ESYT2: variants seen among roughly 807,000 people sequenced by gnomAD.
ESYT2 encodes the protein extended synaptotagmin 2, also known as extended synaptotagmin-2.
In ESYT2, 54 loss-of-function variants were observed where a neutral mutation model predicts 107.2. The observed-to-expected ratio is 0.50, with a 90% CI of 0.40 to 0.63. The LOEUF is 0.63. ESYT2 is among the 30% of genes least tolerant of loss of function. The pLI is 0.00. For missense variants in ESYT2, 1,020 were observed against 1,094.5 expected, an observed-to-expected ratio of 0.93 and a Z score of 0.96; for synonymous variants, 491 against 434.1, an observed-to-expected ratio of 1.13 and a Z score of -1.63.
rs962265400 is a variant in ESYT2 at position 158,732,850 on chromosome 7, C to G, written c.*1357G>C. The G allele has an allele frequency of 5.9e-5, 9 of 152,336 alleles. No individual in the cohort carries two copies. The highest frequency in any genetic ancestry group is 3.9e-4 in the Admixed American group (6 of 15,280). 9.4% of individuals were successfully genotyped at this position (152,336 alleles called of 1,614,324 possible). On this transcript the variant is annotated 3_prime_UTR_variant, in exon 23 of 23. Transcript: ENST00000275418. ...TCATGGCTATGGAAGCCATTTTCAG[C>G]ATATAGCTTATAATATACACTTAAT...
chr7:158,793,824 T>G, intron 3 of ESYT2, 98 bp from the exon 4 acceptor site: 1 of 955,428 alleles, frequency 1.0e-6, no homozygotes, highest in Non-Finnish European at 1.6e-6. Flanking sequence ...GCTTTAAATT[T>G]CAGACTACAA....
intron 4 of ESYT2, 32 bp from the exon 5 acceptor site, chr7:158,788,449 G>A: frequency 6.5e-7 from 1 of 1,549,708 alleles, no homozygotes; most frequent in South Asian, 1.2e-5. Flanking sequence ...CATGATGTAA[G>A]TGAAATGAAC....
At chr7:158,736,033 T>C (rs1402178963) in intron 20 of ESYT2, among the ~76,000 whole-genome samples, 1 of 152,212 alleles carries the variant, frequency 6.6e-6, no homozygotes, top group Middle Eastern at 3.2e-3. Context: ...AAAAAAAGTA[T>C]GTGCTTGCAG....
intron 3 of ESYT2, among the ~76,000 whole-genome samples, chr7:158,796,196 C>T (rs950024383): frequency 2.6e-5 from 4 of 152,220 alleles, no homozygotes; most frequent in Non-Finnish European, 5.9e-5. Flanking sequence ...CAAGAACTAT[C>T]ACGTTCTGAG....
At chr7:158,802,216 G>C (rs1483127441) in intron 1 of ESYT2, among the ~76,000 whole-genome samples, 1 of 152,130 alleles carries the variant, frequency 6.6e-6, no homozygotes, top group African/African-American at 2.4e-5. Flanking sequence ...CATTCCCCTT[G>C]AAGACCAGTA....
intron 16 of ESYT2, among the ~76,000 whole-genome samples, chr7:158,746,257 CCCCT>C (rs1466736219): frequency 1.3e-5 from 2 of 151,670 alleles, no homozygotes; most frequent in East Asian, 3.9e-4. Flanking sequence ...CACACACACG[CCCCT>C]CCAACACACA....
intron 6 of ESYT2, among the ~76,000 whole-genome samples, chr7:158,781,165 TGAG>T (rs1352123174): frequency 8.6e-5 from 13 of 151,794 alleles, no homozygotes; most frequent in African/African-American, 3.1e-4. Context: ...GTGTGAGGTG[TGAG>T]GAGTGTGAGA....
rs1305197734 is a variant in ESYT2 at position 158,748,200 on chromosome 7, T to G, written c.1638A>C (p.Glu546Asp). ...FIHNPKRQDL[E>D]VEVRDEQHQC... ...AAAAATGCAAATAAAATACCTCAACTTCAAGGTCCTGGCGCTTGGGATTGT... is the reference window on the plus strand; with the variant it reads ...AAAAATGCAAATAAAATACCTCAACGTCAAGGTCCTGGCGCTTGGGATTGT... Residue 546 changes from glutamate to aspartate, a missense_variant, in exon 16 of 23, where the codon GAA becomes GAC. Glu to Asp is a conservative substitution (Grantham distance 45). Transcript: ENST00000275418. 9 of 1,613,712 alleles carry G rather than the reference T, an allele frequency of 5.6e-6. No individual in the cohort carries two copies. Among genetic ancestry groups the G allele is most frequent in the African/African-American group, 1.3e-5 (1 of 74,900 alleles).
chr7:158,751,730 T>C (rs1246632328), intron 14 of ESYT2, among the ~76,000 whole-genome samples: 1 of 151,888 alleles, frequency 6.6e-6, no homozygotes, highest in Non-Finnish European at 1.5e-5. Flanking sequence ...CACAACAGAG[T>C]GGACGAAGTG....
intron 1 of ESYT2, among the ~76,000 whole-genome samples, chr7:158,812,936 G>C (rs1381918513): frequency 6.6e-6 from 1 of 152,168 alleles, no homozygotes; most frequent in Non-Finnish European, 1.5e-5. Context: ...GGGGAAACAG[G>C]GTGTGACCAC....
At chr7:158,821,784 C>T (rs1840291441) in intron 1 of ESYT2, among the ~76,000 whole-genome samples, 1 of 152,236 alleles carries the variant, frequency 6.6e-6, no homozygotes, top group Admixed American at 6.5e-5. Context: ...CATTTCCCTC[C>T]AGATGAGACG....
chr7:158,782,371 TGA>T (rs1356829554), intron 6 of ESYT2, among the ~76,000 whole-genome samples: 1 of 110,210 alleles, frequency 9.1e-6, no homozygotes, highest in African/African-American at 3.8e-5. Flanking sequence ...TGAACGAGTG[TGA>T]GAACAAAGTG....
intron 1 of ESYT2, among the ~76,000 whole-genome samples, chr7:158,813,417 CTAG>C (rs1239724247): frequency 6.6e-6 from 1 of 152,164 alleles, no homozygotes; most frequent in African/African-American, 2.4e-5. Context: ...GGGCTTCAGA[CTAG>C]TATTAAACAT....
chr7:158,787,985 G>GAAAT lies in ESYT2; in HGVS notation c.747+15_747+18dup. On this transcript the variant is annotated intron_variant, in intron 6 of 22. Transcript: ENST00000275418. ...TGCCACCAAATGGGAAAATAAAAAT[G>GAAAT]AAATAAATATTGACTTACTGGTTTC... The GAAAT allele has an allele frequency of 6.3e-7, 1 of 1,596,164 alleles. No individual in the cohort carries two copies. Among genetic ancestry groups the GAAAT allele is most frequent in the South Asian group, 1.1e-5 (1 of 90,426 alleles).
intron 6 of ESYT2, among the ~76,000 whole-genome samples, chr7:158,781,882 T>C (rs1429142731): frequency 3.7e-4 from 7 of 18,696 alleles, no homozygotes; most frequent in Non-Finnish European, 9.5e-4. Context: ...CGAGAACAAG[T>C]AAGAACGAGA....
At chr7:158,755,887 G>A (rs1281175031) in intron 13 of ESYT2, among the ~76,000 whole-genome samples, 2 of 152,162 alleles carry the variant, frequency 1.3e-5, no homozygotes, top group African/African-American at 4.8e-5. Flanking sequence ...GGAGAGGGGA[G>A]CGATAGCATT....
Position 158,829,260 on chromosome 7 carries a change from C to T in ESYT2, c.159G>A (p.Leu53=). ...SFALLLPVYA[L]GYLGLSFSWV... ...AGCTGAAGCTGAGCCCCAGGTAGCC[C>T]AGCGCGTACACGGGCAGCAGCAGCG... Residue 53 remains leucine, a synonymous_variant, in exon 1 of 23, where the codon CTG becomes CTA. Coordinates refer to ENST00000275418, the MANE Select transcript of ESYT2 (RefSeq NM_001367773.1). 1 of 1,525,228 alleles carries T rather than the reference C, an allele frequency of 6.6e-7. No individual in the cohort carries two copies. Among genetic ancestry groups the T allele is most frequent in the Non-Finnish European group, 8.7e-7 (1 of 1,144,798 alleles). 94.5% of individuals were successfully genotyped at this position (1,525,228 alleles called of 1,614,324 possible). A position where few individuals can be genotyped will look rare whatever the true frequency, so the allele number is the denominator to read the frequency against.
At chr7:158,744,062 G>A in intron 16 of ESYT2, 1 of 171,166 alleles carries the variant, frequency 5.8e-6, no homozygotes, top group South Asian at 1.4e-4. Flanking sequence ...TGACAAAACT[G>A]TTTCAAAAAC....
rs963570560 is a variant in ESYT2 at position 158,731,273 on chromosome 7, T to C, written c.*2934A>G. ...AATTCTTACCGTGCAGAATATATTATCATGGTAAATACAGTTACAAGGCTG... is the reference window on the plus strand; with the variant it reads ...AATTCTTACCGTGCAGAATATATTACCATGGTAAATACAGTTACAAGGCTG... On this transcript the variant is annotated 3_prime_UTR_variant, in exon 23 of 23. Transcript: ENST00000275418. 1 of 152,218 alleles carries C rather than the reference T, an allele frequency of 6.6e-6. No homozygotes were observed. The highest frequency in any genetic ancestry group is 1.5e-5 in the Non-Finnish European group (1 of 68,046). The allele number at this position is 152,218 out of a possible 1,614,324, so 9.4% of individuals were successfully genotyped here. A position where few individuals can be genotyped will look rare whatever the true frequency, so the allele number is the denominator to read the frequency against.
Sources: gnomAD v4.1 joint callset for allele counts (sites outside exome capture counted in the v4.1 genomes callset) on GRCh38, gnomAD v4.1.1 for gene constraint, MANE v1.5 for transcripts, NCBI Gene and HGNC (gene_info 2026-07-23, HGNC 2026-07-21) for gene names.